The following GYPC variants were observed in gnomAD, a reference collection of about 807,000 sequenced individuals.
GYPC encodes the protein glycophorin-C.
In GYPC, 14 loss-of-function variants were observed where a neutral mutation model predicts 12.6. The observed-to-expected ratio is 1.11, with a 90% CI of 0.74 to 1.74. The LOEUF (loss-of-function observed/expected upper bound fraction) is 1.74. Ranked by LOEUF, GYPC falls within the 40% of genes most tolerant of loss-of-function variation. The pLI, the probability that GYPC is intolerant of heterozygous loss-of-function variation, is 0.00. For missense variants in GYPC, 225 were observed against 172.1 expected, an observed-to-expected ratio of 1.31 and a Z score of -1.72; for synonymous variants, 78 against 62.1, an observed-to-expected ratio of 1.26 and a Z score of -1.20.
In GYPC at chr2:126,696,235, CAG is replaced by C. The variant is rs572617546; in HGVS notation, c.*104_*105del. The stretch of plus-strand genomic sequence containing the variant: ...CAGCACCCCTGCTGATACCACCAGA[CAG>C]AGAGAGAGAGCACTTGATTCTTCCC... On this transcript the variant is annotated 3_prime_UTR_variant, in exon 4 of 4. Transcript: ENST00000259254. 172 of 905,792 alleles carry C rather than the reference CAG, an allele frequency of 1.9e-4. No homozygotes were observed. Among genetic ancestry groups the C allele is most frequent in the Non-Finnish European group, 2.6e-4 (145 of 557,716 alleles). 56.1% of individuals were successfully genotyped at this position (905,792 alleles called of 1,614,324 possible).
rs138021607 is a variant in GYPC at position 126,670,337 on chromosome 2, G to A, written c.49+14025G>A. ...GCCTGGAGAAGTCTCACTGTGCAGC[G>A]CCTCTCCAACCAGTGCACTCACAGA... is the stretch of plus-strand genomic sequence containing the variant. On this transcript the variant is annotated intron_variant, in intron 1 of 3. Coordinates refer to ENST00000259254, the MANE Select transcript of GYPC (RefSeq NM_002101.5). Among the ~76,000 whole-genome samples the A allele has an allele frequency of 1.2e-4, 19 of 152,258 alleles. 1 individual carries two copies. Among genetic ancestry groups the A allele is most frequent in the African/African-American group, 3.6e-4 (15 of 41,560 alleles).
chr2:126,670,076 G>A (rs1291296056), intron 1 of GYPC, among the ~76,000 whole-genome samples: 2 of 152,164 alleles, frequency 1.3e-5, no homozygotes, highest in Admixed American at 6.5e-5. Flanking sequence ...TCTCAAAGAC[G>A]GTTCTCCTTT....
chr2:126,664,635 T>G (rs1682629334), intron 1 of GYPC, among the ~76,000 whole-genome samples: 1 of 152,232 alleles, frequency 6.6e-6, no homozygotes, highest in Non-Finnish European at 1.5e-5. Context: ...TTTCTAATAT[T>G]TGGGAGGAGA....
intron 2 of GYPC, 51 bp downstream of exon 2, chr2:126,690,362 G>C: frequency 7.5e-7 from 1 of 1,327,788 alleles, no homozygotes; most frequent in Non-Finnish European, 1.1e-6. Flanking sequence ...CGTGACTTCA[G>C]ATGAGCTCTC....
intron 1 of GYPC, among the ~76,000 whole-genome samples, chr2:126,677,312 T>G (rs1008655435): frequency 2.7e-4 from 41 of 151,212 alleles, no homozygotes; most frequent in Non-Finnish European, 7.4e-5. Flanking sequence ...TGTGAGTGTG[T>G]GTGAGAATGT....
intron 1 of GYPC, chr2:126,679,913 T>C (rs1350692826): frequency 6.6e-6 from 1 of 152,142 alleles, no homozygotes; most frequent in Non-Finnish European, 1.5e-5. Flanking sequence ...AGCATCTTAA[T>C]GGTGATATGA....
At chr2:126,684,291 T>C (rs1683227240) in intron 1 of GYPC, among the ~76,000 whole-genome samples, 1 of 152,188 alleles carries the variant, frequency 6.6e-6, no homozygotes, top group East Asian at 1.9e-4. Flanking sequence ...AATGCACATG[T>C]GCTTTATGCA....
At position 126,696,388 on chromosome 2, in the gene GYPC, C is replaced by T. The variant is rs949749400; in HGVS notation, c.*246C>T. The stretch of plus-strand genomic sequence containing the variant: ...ACCCCAGAGGCCACCTTTTGCTCCA[C>T]GGAGGTGGGAGAAAATCTGGGCACA... On this transcript the variant is annotated 3_prime_UTR_variant, in exon 4 of 4. Coordinates refer to ENST00000259254, the MANE Select transcript of GYPC (RefSeq NM_002101.5). 15 of 503,918 alleles carry T rather than the reference C, an allele frequency of 3.0e-5. No homozygotes were observed. Among genetic ancestry groups the T allele is most frequent in the African/African-American group, 1.7e-4 (9 of 51,688 alleles). 31.2% of individuals were successfully genotyped at this position (503,918 alleles called of 1,614,324 possible).
chr2:126,671,454 C>T (rs1462969160), intron 1 of GYPC, among the ~76,000 whole-genome samples: 2 of 152,242 alleles, frequency 1.3e-5, no homozygotes, highest in East Asian at 3.8e-4. Flanking sequence ...TCTCCACGCA[C>T]GGGGCCAGGT....
Position 126,694,073 on chromosome 2 carries a change from G to T in GYPC, c.190+126G>T, listed in dbSNP as rs1010600643. 8.2e-6 allele frequency: 6 copies of T among 731,974 alleles called. No homozygotes were observed. The Admixed American group carries it at 1.2e-4, about 14-fold the overall frequency. The allele number at this position is 731,974 out of a possible 1,614,324, so 45.3% of individuals were successfully genotyped here. A position where few individuals can be genotyped will look rare whatever the true frequency, so the allele number is the denominator to read the frequency against. On this transcript the variant is annotated intron_variant, in intron 3 of 3. Transcript: ENST00000259254. ...TGGCCATTTTTTCTCTCCCTCAGAG[G>T]TGGTTTTGAATGTGGAATGGAGGAG...
intron 1 of GYPC, among the ~76,000 whole-genome samples, chr2:126,681,958 T>G (rs1683161060): frequency 1.3e-5 from 2 of 152,216 alleles, no homozygotes; most frequent in South Asian, 4.1e-4. Flanking sequence ...GCCCTGAGCC[T>G]GGCAGATGGG....
At chr2:126,686,510 G>A (rs566687901) in intron 1 of GYPC, 3 of 985,518 alleles carry the variant, frequency 3.0e-6, no homozygotes, top group African/African-American at 3.5e-5. Context: ...AGTGAAGGCT[G>A]CAGTTTAGTT....
intron 1 of GYPC, among the ~76,000 whole-genome samples, chr2:126,664,486 G>T (rs1335571903): frequency 6.6e-6 from 1 of 152,188 alleles, no homozygotes; most frequent in East Asian, 1.9e-4. Context: ...CCTGACCCCA[G>T]ACGCAGTGCT....
chr2:126,692,243 G>C (rs973367245), intron 2 of GYPC, among the ~76,000 whole-genome samples: 1 of 151,878 alleles, frequency 6.6e-6, no homozygotes, highest in African/African-American at 2.4e-5. Context: ...CTGGGTCCCT[G>C]GGCTGCCTCA....
chr2:126,659,577 G>A (rs566445697), intron 1 of GYPC, among the ~76,000 whole-genome samples: 1 of 152,266 alleles, frequency 6.6e-6, no homozygotes, highest in South Asian at 2.1e-4. Context: ...GGCTTGGGAG[G>A]TGGCTTTTGT....
intron 2 of GYPC, among the ~76,000 whole-genome samples, chr2:126,691,908 C>A (rs896037339): frequency 7.2e-5 from 11 of 152,146 alleles, no homozygotes; most frequent in Non-Finnish European, 1.6e-4. Flanking sequence ...CCATCCATGC[C>A]TACTTAAGCA....
chr2:126,656,408 T>C, intron 1 of GYPC, 96 bp downstream of exon 1: 4 of 1,084,486 alleles, frequency 3.7e-6, no homozygotes, highest in Non-Finnish European at 5.4e-6. Context: ...CGCCCTGGTG[T>C]CCCGGTCCGT....
intron 1 of GYPC, among the ~76,000 whole-genome samples, chr2:126,663,119 C>T (rs1222200962): frequency 6.6e-6 from 1 of 152,206 alleles, no homozygotes; most frequent in Admixed American, 6.5e-5. Flanking sequence ...CTCACTGCAA[C>T]CTCCGACTCC....
At chr2:126,666,413 A>C (rs1682679357) in intron 1 of GYPC, among the ~76,000 whole-genome samples, 1 of 152,206 alleles carries the variant, frequency 6.6e-6, no homozygotes, top group African/African-American at 2.4e-5. Flanking sequence ...TTTGCTAGGC[A>C]CTTTCAAATC....
Sources: allele counts gnomAD v4.1 joint callset (sites outside exome capture counted in the v4.1 genomes callset), GRCh38; gene constraint gnomAD v4.1.1; transcripts MANE v1.5; gene names NCBI Gene and HGNC (gene_info 2026-07-23, HGNC 2026-07-21).